Variants in SAMD4A observed in about 807,000 individuals in gnomAD.
SAMD4A encodes sterile alpha motif domain containing 4A, also known as protein Smaug homolog 1.
Under a neutral mutation model 81.3 loss-of-function variants are expected in SAMD4A, and 33 were observed. That is an observed-to-expected ratio of 0.41 (90% CI 0.31 to 0.54). The LOEUF (loss-of-function observed/expected upper bound fraction) is 0.54. Among genes scored for constraint, SAMD4A ranks in the 20% least tolerant of loss-of-function variants. SAMD4A has a pLI of 0.37. For missense variants in SAMD4A, 854 were observed against 951.1 expected, an observed-to-expected ratio of 0.90 and a Z score of 1.34; for synonymous variants, 389 against 382.1, an observed-to-expected ratio of 1.02 and a Z score of -0.21.
intron 3 of SAMD4A, among the ~76,000 whole-genome samples, chr14:54,722,964 C>T (rs77919166): frequency 0.011 from 1,645 of 152,296 alleles, 32 homozygotes; most frequent in African/African-American, 0.038. Context: ...ATTACCTTGA[C>T]AGCCTGACTC....
intron 6 of SAMD4A, among the ~76,000 whole-genome samples, chr14:54,756,701 T>C (rs986678356): frequency 2.6e-5 from 4 of 152,180 alleles, no homozygotes; most frequent in Non-Finnish European, 4.4e-5. Flanking sequence ...GCTAGAGATA[T>C]CACATGAGTG....
chr14:54,623,585 T>G (rs1479567023), intron 2 of SAMD4A, among the ~76,000 whole-genome samples: 1 of 149,524 alleles, frequency 6.7e-6, no homozygotes, highest in African/African-American at 2.5e-5. Context: ...TAATGGCTAA[T>G]TCTGTTGGTA....
At chr14:54,730,523 G>T (rs572222984) in intron 3 of SAMD4A, among the ~76,000 whole-genome samples, 40 of 152,322 alleles carry the variant, frequency 2.6e-4, no homozygotes, top group African/African-American at 8.9e-4. Flanking sequence ...TCCAAAGTCT[G>T]TTTAGGGGAA....
chr14:54,615,146 C>A (rs1158771862), intron 2 of SAMD4A, among the ~76,000 whole-genome samples: 1 of 152,212 alleles, frequency 6.6e-6, no homozygotes, highest in Non-Finnish European at 1.5e-5. Flanking sequence ...TCTTGGTCAT[C>A]TGTCAATGAA....
At chr14:54,700,804 A>C (rs2036694759) in intron 2 of SAMD4A, among the ~76,000 whole-genome samples, 1 of 152,152 alleles carries the variant, frequency 6.6e-6, no homozygotes. Flanking sequence ...GTGTGTTAAA[A>C]ACAGATCTTC....
intron 3 of SAMD4A, among the ~76,000 whole-genome samples, chr14:54,711,950 C>CT (rs1461288668): frequency 6.6e-6 from 1 of 152,156 alleles, no homozygotes; most frequent in African/African-American, 2.4e-5. Context: ...CTTCCTCTTC[C>CT]TTTTGCCCTT....
chr14:54,707,990 G>A (rs879887623), intron 3 of SAMD4A, among the ~76,000 whole-genome samples: 4 of 152,138 alleles, frequency 2.6e-5, no homozygotes, highest in Admixed American at 1.3e-4. Flanking sequence ...GAAAGCTATT[G>A]GAGGATTTCC....
chr14:54,575,182 C>G (rs1166174370), intron 2 of SAMD4A, among the ~76,000 whole-genome samples: 6 of 152,064 alleles, frequency 3.9e-5, no homozygotes, highest in Non-Finnish European at 8.8e-5. Context: ...AAATCTGTGA[C>G]CAAGGGCAGT....
chr14:54,606,221 G>T (rs1293232740), intron 2 of SAMD4A, among the ~76,000 whole-genome samples: 1 of 151,956 alleles, frequency 6.6e-6, no homozygotes, highest in Non-Finnish European at 1.5e-5. Context: ...GTGCGTGCAC[G>T]TGCACGTGCA....
At chr14:54,658,925 GGC>G (rs1438031411) in intron 2 of SAMD4A, among the ~76,000 whole-genome samples, 1 of 152,200 alleles carries the variant, frequency 6.6e-6, no homozygotes, top group Non-Finnish European at 1.5e-5. Context: ...GAAGAATCAG[GGC>G]CAGGCTTGTG....
At chr14:54,624,576 A>C (rs1360341360) in intron 2 of SAMD4A, among the ~76,000 whole-genome samples, 2 of 152,226 alleles carry the variant, frequency 1.3e-5, no homozygotes, top group Non-Finnish European at 2.9e-5. Context: ...GTTTGGTAAA[A>C]AGCATGTAGT....
chr14:54,764,437 T>C lies in SAMD4A; in HGVS notation c.1511-18T>C, dbSNP rs75520101. ...AAGGGGTGCATTTTTCTAATTCATC[T>C]TTTCTTTTTAATTACAGTGTGCACA... On this transcript the variant is annotated intron_variant, in intron 7 of 12. Transcript: ENST00000554335. 4.7e-3 allele frequency: 7,350 copies of C among 1,558,630 alleles called. 24 individuals carry two copies. The highest frequency in any genetic ancestry group is 6.0e-3 in the Non-Finnish European group (6,842 of 1,142,724).
rs2035228043 is a variant in SAMD4A, at chr14:54,643,915, T to C, written c.197-58147T>C. On this transcript the variant is annotated intron_variant, in intron 2 of 12. Transcript: ENST00000554335. ...AGAAAGAAGAAAAGAGGGGCTCTAA[T>C]GTAGGGCAGGTGGGAGAGAAGGGCT... is the stretch of plus-strand genomic sequence containing the variant. Among the ~76,000 whole-genome samples the C allele has an allele frequency of 2.0e-5, 3 of 152,046 alleles. No homozygotes were observed. The South Asian group carries it at 6.2e-4, about 32-fold the overall frequency.
At chr14:54,595,032 T>C (rs1004626494) in intron 2 of SAMD4A, among the ~76,000 whole-genome samples, 6 of 152,244 alleles carry the variant, frequency 3.9e-5, no homozygotes, top group Non-Finnish European at 7.3e-5. Flanking sequence ...AAAAAATACC[T>C]ACTCTGTGCC....
At chr14:54,763,029 T>C (rs2038444364) in intron 7 of SAMD4A, among the ~76,000 whole-genome samples, 1 of 151,846 alleles carries the variant, frequency 6.6e-6, no homozygotes, top group Admixed American at 6.5e-5. Flanking sequence ...TAATTTTTTG[T>C]ATTTTTTAGT....
At chr14:54,726,693 A>C (rs1428931808) in intron 3 of SAMD4A, among the ~76,000 whole-genome samples, 3 of 152,106 alleles carry the variant, frequency 2.0e-5, no homozygotes, top group Non-Finnish European at 4.4e-5. Context: ...GGTGCATCTA[A>C]AAGTACAAAT....
intron 11 of SAMD4A, among the ~76,000 whole-genome samples, chr14:54,776,889 G>T (rs1449386868): frequency 3.3e-5 from 5 of 151,962 alleles, no homozygotes; most frequent in Non-Finnish European, 5.9e-5. Flanking sequence ...TGTGGAAAGA[G>T]AAAGTGAGAG....
intron 3 of SAMD4A, among the ~76,000 whole-genome samples, chr14:54,719,634 C>G (rs930052851): frequency 6.6e-6 from 1 of 152,280 alleles, no homozygotes; most frequent in South Asian, 2.1e-4. Flanking sequence ...CGGTCTTGGG[C>G]AATATCAAGC....
chr14:54,652,079 C>G (rs1335589173), intron 2 of SAMD4A, among the ~76,000 whole-genome samples: 2 of 152,220 alleles, frequency 1.3e-5, no homozygotes, highest in Admixed American at 1.3e-4. Flanking sequence ...GCACTTCTGC[C>G]CTTTATCTTA....
Sources: allele counts gnomAD v4.1 joint callset (sites outside exome capture counted in the v4.1 genomes callset), GRCh38; gene constraint gnomAD v4.1.1; transcripts MANE v1.5; gene names NCBI Gene and HGNC (gene_info 2026-07-23, HGNC 2026-07-21).